ANKRD50: variants seen among roughly 807,000 people sequenced by gnomAD.
The protein encoded by ANKRD50 is ankyrin repeat domain 50.
ANKRD50 carries 40 observed loss-of-function variants against 112.0 expected under a neutral mutation model. That is an observed-to-expected ratio of 0.36 (90% CI 0.28 to 0.46). ANKRD50 has a LOEUF of 0.46. Ranked by LOEUF, ANKRD50 falls within the 20% of genes least tolerant of loss-of-function variation. The probability of loss-of-function intolerance (pLI) is 1.00; values close to 1 mark genes in which losing one functional copy is unlikely to be tolerated. For missense variants in ANKRD50, 1,487 were observed against 1,701.7 expected, an observed-to-expected ratio of 0.87 and a Z score of 2.22; for synonymous variants, 613 against 619.1, an observed-to-expected ratio of 0.99 and a Z score of 0.15.
intron 3 of ANKRD50, among the ~76,000 whole-genome samples, chr4:124,674,587 G>T (rs1172304758): frequency 1.3e-5 from 2 of 151,902 alleles, no homozygotes; most frequent in East Asian, 3.9e-4. Context: ...GATAAATTTT[G>T]ATTGTTTTGT....
chr4:124,707,855 T>C (rs1370520265), intron 2 of ANKRD50, among the ~76,000 whole-genome samples: 1 of 152,026 alleles, frequency 6.6e-6, no homozygotes, highest in Non-Finnish European at 1.5e-5. Flanking sequence ...AAGAAACAAT[T>C]GAATAAAAGA....
intron 2 of ANKRD50, among the ~76,000 whole-genome samples, chr4:124,694,215 G>C (rs1243202265): frequency 6.6e-6 from 1 of 152,124 alleles, no homozygotes; most frequent in African/African-American, 2.4e-5. Context: ...AAGTAAAATT[G>C]ATAATTAAAA....
At chr4:124,695,314 G>A (rs1337217853) in intron 2 of ANKRD50, among the ~76,000 whole-genome samples, 1 of 152,116 alleles carries the variant, frequency 6.6e-6, no homozygotes, top group African/African-American at 2.4e-5. Context: ...CTTCCCAGGG[G>A]TTATTTGCTA....
intron 2 of ANKRD50, among the ~76,000 whole-genome samples, chr4:124,704,637 A>G (rs1321931569): frequency 6.6e-6 from 1 of 152,248 alleles, no homozygotes; most frequent in East Asian, 1.9e-4. Flanking sequence ...TAGATAGGCA[A>G]GTAGCATTAT....
chr4:124,683,046 A>T (rs753926658), intron 2 of ANKRD50, among the ~76,000 whole-genome samples: 1 of 151,814 alleles, frequency 6.6e-6, no homozygotes, highest in Admixed American at 6.6e-5. Flanking sequence ...TATAAATTTT[A>T]TATATATACA....
In ANKRD50 at chr4:124,672,554, G is replaced by A; in HGVS notation, c.743-20C>T. On this transcript the variant is annotated intron_variant, in intron 3 of 4. Coordinates refer to ENST00000504087, the MANE Select transcript of ANKRD50 (RefSeq NM_020337.3). ...GAAAACCTAAAGAAGAGATAAAAAA[G>A]TAGATGTAATCAGTTGAAAAGGATT... is the stretch of plus-strand genomic sequence containing the variant. 1.3e-6 allele frequency: 2 copies of A among 1,518,118 alleles called. No homozygotes were observed. Among genetic ancestry groups the A allele is most frequent in the Non-Finnish European group, 1.8e-6 (2 of 1,124,012 alleles). 94.0% of individuals were successfully genotyped at this position (1,518,118 alleles called of 1,614,324 possible). A position where few individuals can be genotyped will look rare whatever the true frequency, so the allele number is the denominator to read the frequency against.
chr4:124,675,508 G>A (rs1257193747), intron 3 of ANKRD50, among the ~76,000 whole-genome samples: 2 of 151,616 alleles, frequency 1.3e-5, no homozygotes, highest in Admixed American at 1.3e-4. Context: ...GTTTGTCAAT[G>A]TTAAATTTAA....
rs767270735 is a variant in ANKRD50, at chr4:124,670,369, C to T, written c.2908G>A (p.Ala970Thr). ...TCAGCATCACTTGCTTCTACGTTTG[C>T]ACCATTTTCTAAAAAATATTCGGCC... ...TMAEYFLENGANVEASDAEGR... is the reference protein window; with the variant it reads ...TMAEYFLENGTNVEASDAEGR... Residue 970 changes from alanine (A) to threonine (T), a missense_variant, in exon 4 of 5, where the codon GCA (alanine) becomes ACA (threonine). Coordinates refer to ENST00000504087, the MANE Select transcript of ANKRD50 (RefSeq NM_020337.3). 8.1e-6 allele frequency: 13 copies of T among 1,613,906 alleles called. No homozygotes were observed. The South Asian group carries it at 1.2e-4, about 15-fold the overall frequency.
Position 124,672,506 on chromosome 4 carries a change from A to C in ANKRD50, c.771T>G (p.Leu257=). The C allele has an allele frequency of 6.3e-7, 1 of 1,596,358 alleles. No homozygotes were observed. The highest frequency in any genetic ancestry group is 8.5e-7 in the Non-Finnish European group (1 of 1,173,820). ...CATCCTTGACGATATATGCCTTCCG[A>C]AGGTCATCTAAACTTATTTTTCGAA... ...TGFRKISLDD[L]RKAYIVKDVQ... Residue 257 remains leucine, a synonymous_variant, in exon 4 of 5, where the codon CTT becomes CTG. Coordinates refer to ENST00000504087, the MANE Select transcript of ANKRD50 (RefSeq NM_020337.3).
In ANKRD50 at chr4:124,670,043, T is replaced by C. The variant is rs374920985; in HGVS notation, c.3234A>G (p.Gly1078=). Residue 1078 remains glycine (G), a synonymous_variant, in exon 4 of 5, where the codon GGA becomes GGG. Coordinates refer to ENST00000504087, the MANE Select transcript of ANKRD50 (RefSeq NM_020337.3). ...GADPNHADQF[G]RTAMRVAAKN... Reference sequence around the variant, plus strand: ...TGGCTGCAACACGCATAGCAGTGCGTCCAAATTGATCAGCATGGTTTGGAT... The same window carrying C: ...TGGCTGCAACACGCATAGCAGTGCGCCCAAATTGATCAGCATGGTTTGGAT... 1 of 1,611,256 alleles carries C rather than the reference T, an allele frequency of 6.2e-7. No individual in the cohort carries two copies. Among genetic ancestry groups the C allele is most frequent in the Non-Finnish European group, 8.5e-7 (1 of 1,179,308 alleles).
At position 124,669,867 on chromosome 4, in the gene ANKRD50, C is replaced by G. The variant is rs1179521032; in HGVS notation, c.3410G>C (p.Ser1137Thr). The change falls in exon 4 of 5, where the codon AGC becomes ACC. Residue 1137 changes from serine to threonine, a missense_variant. By Grantham distance (58) the Ser-to-Thr change is moderately conservative. This residue lies in a region of ANKRD50 where 441 missense variants were observed against 432.2 expected (regional missense o/e 1.02). Transcript: ENST00000504087. ...ATCCCCTCCACCAGTACTACCAGAG[C>G]TATTTGATTTAATTGTTAATGACTG... is the stretch of plus-strand genomic sequence containing the variant. Reference protein sequence around the residue: ...KVQSLTIKSNSSGSTGGGDMQ... With the variant: ...KVQSLTIKSNTSGSTGGGDMQ... 6.2e-7 allele frequency: 1 copy of G among 1,613,000 alleles called. No individual in the cohort carries two copies. The highest frequency in any genetic ancestry group is 1.7e-5 in the Admixed American group (1 of 59,780).
Position 124,664,634 on chromosome 4 carries a change from AAAAG to A in ANKRD50, c.*2880_*2883del, listed in dbSNP as rs1730446571. 1.3e-5 allele frequency: 2 copies of A among 152,478 alleles called. No individual in the cohort carries two copies. The highest frequency in any genetic ancestry group is 4.8e-5 in the African/African-American group (2 of 41,448). The allele number at this position is 152,478 out of a possible 1,614,324, so 9.4% of individuals were successfully genotyped here. A position where few individuals can be genotyped will look rare whatever the true frequency, so the allele number is the denominator to read the frequency against. ...CATACCTCAAACCAAGGGAAAAATA[AAAAG>A]AAAGCATTTGTTTGCAACTACATTT... On this transcript the variant is annotated 3_prime_UTR_variant, in exon 5 of 5. Coordinates refer to ENST00000504087, the MANE Select transcript of ANKRD50 (RefSeq NM_020337.3).
At chr4:124,708,691 T>TAC (rs10558584) in intron 2 of ANKRD50, among the ~76,000 whole-genome samples, 17,591 of 145,496 alleles carry the variant, frequency 0.12, 1,076 homozygotes, top group African/African-American at 0.17. Context: ...TACTAACACA[T>TAC]ACACACACAC....
intron 2 of ANKRD50, among the ~76,000 whole-genome samples, chr4:124,684,927 C>T (rs929905552): frequency 6.6e-5 from 10 of 152,090 alleles, no homozygotes; most frequent in Non-Finnish European, 2.9e-5. Flanking sequence ...TAACACTGAG[C>T]TTTTTTCTCT....
At chr4:124,668,476 G>A (rs1400768981) in intron 4 of ANKRD50, among the ~76,000 whole-genome samples, 1 of 152,030 alleles carries the variant, frequency 6.6e-6, no homozygotes, top group East Asian at 1.9e-4. Flanking sequence ...CCAAAAAGAT[G>A]AGTTTGAAAC....
chr4:124,698,550 T>C (rs1578590508), intron 2 of ANKRD50, among the ~76,000 whole-genome samples: 1 of 151,952 alleles, frequency 6.6e-6, no homozygotes, highest in Non-Finnish European at 1.5e-5. Context: ...AATGGATAGT[T>C]AGTGTTTCTC....
intron 3 of ANKRD50, among the ~76,000 whole-genome samples, chr4:124,675,068 G>T (rs1462137106): frequency 6.6e-6 from 1 of 151,430 alleles, no homozygotes; most frequent in Non-Finnish European, 1.5e-5. Context: ...AACTTCTAGG[G>T]GAATAAAAAC....
rs944175738 is a variant in ANKRD50 at position 124,670,182 on chromosome 4, A to G, written c.3095T>C (p.Ile1032Thr). The change falls in exon 4 of 5, where the codon ATT (isoleucine) becomes ACT (threonine). Residue 1032 changes from isoleucine (I) to threonine (T), a missense_variant. Physicochemically the swap from Ile to Thr is moderately conservative, Grantham distance 89. Coordinates refer to ENST00000504087, the MANE Select transcript of ANKRD50 (RefSeq NM_020337.3). ...QGHVKVVQLL[I>T]EHGAVVDHTC... is the part of the protein sequence containing the mutation. Reference sequence around the variant, plus strand: ...ATGGTCAACTACAGCACCATGCTCAATCAGAAGCTGAACCACTTTTACATG... The same window carrying G: ...ATGGTCAACTACAGCACCATGCTCAGTCAGAAGCTGAACCACTTTTACATG... 3.7e-6 allele frequency: 6 copies of G among 1,612,700 alleles called. No homozygotes were observed. The highest frequency in any genetic ancestry group is 2.2e-5 in the South Asian group (2 of 90,794).
intron 3 of ANKRD50, among the ~76,000 whole-genome samples, chr4:124,674,221 T>C (rs1303398946): frequency 6.6e-6 from 1 of 152,006 alleles, no homozygotes; most frequent in African/African-American, 2.4e-5. Flanking sequence ...TCTGAAGCAA[T>C]GTAATACTTT....
Sources: allele counts gnomAD v4.1 joint callset (sites outside exome capture counted in the v4.1 genomes callset), GRCh38; gene constraint gnomAD v4.1.1; regional missense constraint gnomAD v4.1.1; transcripts MANE v1.5; gene names NCBI Gene and HGNC (gene_info 2026-07-23, HGNC 2026-07-21).